The following PPP4R1 variants were observed in gnomAD, a reference collection of about 807,000 sequenced individuals.
The protein encoded by PPP4R1 is serine/threonine-protein phosphatase 4 regulatory subunit 1.
A neutral mutation model predicts 111.2 loss-of-function variants in PPP4R1; 42 were observed. That is an observed-to-expected ratio of 0.38 (90% CI 0.29 to 0.49). The LOEUF is 0.49. PPP4R1 is among the 20% of genes least tolerant of loss of function. The pLI is 0.97. For missense variants in PPP4R1, 1,012 were observed against 1,161.6 expected (o/e 0.87, Z 1.87); for synonymous variants, 409 against 405.5 (o/e 1.01, Z -0.10).
chr18:9,575,780 A>G (rs1375084772), intron 10 of PPP4R1, among the ~76,000 whole-genome samples: 1 of 152,118 alleles, frequency 6.6e-6, no homozygotes, highest in Non-Finnish European at 1.5e-5. Flanking sequence ...GCAAAGGCCG[A>G]GTGAGTAGTT....
At chr18:9,583,489 C>G (rs1179972339) in intron 8 of PPP4R1, among the ~76,000 whole-genome samples, 1 of 152,168 alleles carries the variant, frequency 6.6e-6, no homozygotes, top group Non-Finnish European at 1.5e-5. Flanking sequence ...GCCTCAGCCT[C>G]CCAAGTAGCT....
At chr18:9,613,740 G>C (rs1226309043) in intron 2 of PPP4R1, 1 of 152,394 alleles carries the variant, frequency 6.6e-6, no homozygotes, top group Admixed American at 6.5e-5. Flanking sequence ...TCCAAAACCG[G>C]GTCGGGGAGC....
chr18:9,595,026 T>C lies in PPP4R1; in HGVS notation c.180A>G (p.Ile60Met), dbSNP rs1181921037. ...RLDKYAASEN[I>M]FNRQMVARSL... Reference sequence around the variant, plus strand: ...AAAGAATATGCACATACCTGTTAAATATGTTCTCACTTGCAGCATACTTGT... The same window carrying C: ...AAAGAATATGCACATACCTGTTAAACATGTTCTCACTTGCAGCATACTTGT... Residue 60 changes from isoleucine (I) to methionine (M), a missense_variant, in exon 3 of 20, where the codon ATA becomes ATG. Ile to Met is a conservative substitution (Grantham distance 10). Coordinates refer to ENST00000400556, the MANE Select transcript of PPP4R1 (RefSeq NM_001042388.3). 2 of 1,613,856 alleles carry C rather than the reference T, an allele frequency of 1.2e-6. No individual in the cohort carries two copies. Among genetic ancestry groups the C allele is most frequent in the Non-Finnish European group, 1.7e-6 (2 of 1,179,898 alleles).
In PPP4R1 at chr18:9,570,337, C is replaced by T; in HGVS notation, c.1393G>A (p.Glu465Lys). The change falls in exon 11 of 20, where the codon GAA (glutamate) becomes AAA (lysine). Residue 465 changes from glutamate to lysine, a missense_variant. This residue lies in a region of PPP4R1 where 707 missense variants were observed against 742.1 expected (regional missense o/e 0.95). Coordinates refer to ENST00000400556, the MANE Select transcript of PPP4R1 (RefSeq NM_001042388.3). Reference protein sequence around the residue: ...SFHFWRTPLPEIDLDIELEQN... With the variant: ...SFHFWRTPLPKIDLDIELEQN... ...TCAAGCTCTATGTCTAGATCTATTT[C>T]AGGAAGAGGAGTCCTCCAGAAATGG... 6.2e-7 allele frequency: 1 copy of T among 1,611,276 alleles called. No individual in the cohort carries two copies. The highest frequency in any genetic ancestry group is 8.5e-7 in the Non-Finnish European group (1 of 1,178,834).
At position 9,614,181 on chromosome 18, in the gene PPP4R1, C is replaced by T; in HGVS notation, c.52+45G>A. The T allele has an allele frequency of 3.0e-6, 4 of 1,317,616 alleles. No homozygotes were observed. Among genetic ancestry groups the T allele is most frequent in the Non-Finnish European group, 3.9e-6 (4 of 1,020,524 alleles). 81.6% of individuals were successfully genotyped at this position (1,317,616 alleles called of 1,614,324 possible). A position where few individuals can be genotyped will look rare whatever the true frequency, so the allele number is the denominator to read the frequency against. ...CTCGCCGCCGCCCGCCCTCCCCGGC[C>T]GCTCCCCGCGGACTGCCAGGCCACC... is the stretch of plus-strand genomic sequence containing the variant. On this transcript the variant is annotated intron_variant, in intron 2 of 19. Transcript: ENST00000400556. The surrounding 1 kb of genome is among the most constrained non-coding windows in gnomAD (Gnocchi z 4.1).
chr18:9,560,704 A>C (rs1026350964), intron 13 of PPP4R1, among the ~76,000 whole-genome samples: 21 of 152,288 alleles, frequency 1.4e-4, no homozygotes, highest in African/African-American at 5.1e-4. Context: ...TAAATAAAGT[A>C]AAAATTGGCT....
chr18:9,602,976 C>A (rs1293928449), intron 2 of PPP4R1, among the ~76,000 whole-genome samples: 2 of 152,158 alleles, frequency 1.3e-5, no homozygotes, highest in Non-Finnish European at 2.9e-5. Flanking sequence ...ACTTTTAAGA[C>A]ACAGTGATAA....
chr18:9,582,856 G>C (rs1002856013), intron 9 of PPP4R1, among the ~76,000 whole-genome samples: 3 of 151,966 alleles, frequency 2.0e-5, no homozygotes, highest in African/African-American at 7.3e-5. Context: ...AGATGCAAGT[G>C]GTTTAACATC....
chr18:9,591,779 T>TTAAC (rs2067215671), intron 4 of PPP4R1, among the ~76,000 whole-genome samples: 1 of 151,914 alleles, frequency 6.6e-6, no homozygotes, highest in South Asian at 2.1e-4. Flanking sequence ...CTTATAACAA[T>TTAAC]TAACTGGCTG....
At chr18:9,598,076 T>C (rs919342933) in intron 2 of PPP4R1, among the ~76,000 whole-genome samples, 1 of 151,966 alleles carries the variant, frequency 6.6e-6, no homozygotes, top group African/African-American at 2.4e-5. Flanking sequence ...GATTAAACAT[T>C]ATAGAGGAAA....
In PPP4R1 at chr18:9,584,847, A is replaced by AAC; in HGVS notation, c.586-21_586-20dup. On this transcript the variant is annotated intron_variant, in intron 6 of 19. Coordinates refer to ENST00000400556, the MANE Select transcript of PPP4R1 (RefSeq NM_001042388.3). The stretch of plus-strand genomic sequence containing the variant: ...ACATTATCTAAAATAAGTAAGAACA[A>AAC]ACACACACTGAAAATATCAAGTAAG... 1 of 1,545,624 alleles carries AAC rather than the reference A, an allele frequency of 6.5e-7. No individual in the cohort carries two copies. The highest frequency in any genetic ancestry group is 1.2e-5 in the South Asian group (1 of 85,654).
Position 9,557,241 on chromosome 18 carries a change from G to A in PPP4R1, c.2170C>T (p.His724Tyr). 1.9e-6 allele frequency: 3 copies of A among 1,587,684 alleles called. No homozygotes were observed. The highest frequency in any genetic ancestry group is 2.6e-6 in the Non-Finnish European group (3 of 1,172,740). ...GTTACCTTCAGAAAATCATGCAAGTGTTTAAGAACACCTATCCTGACTTCA... is the reference window on the plus strand; with the variant it reads ...GTTACCTTCAGAAAATCATGCAAGTATTTAAGAACACCTATCCTGACTTCA... ...LDEVRIGVLK[H>Y]LHDFLKLLHI... is the part of the protein sequence containing the mutation. The change falls in exon 15 of 20, where the codon CAC (histidine) becomes TAC (tyrosine). Residue 724 changes from histidine to tyrosine, a missense_variant. Physicochemically the swap from His to Tyr is moderately conservative, Grantham distance 83 (BLOSUM62 2). This residue lies in a region of PPP4R1 where 305 missense variants were observed against 419.5 expected (regional missense o/e 0.73). Transcript: ENST00000400556.
At chr18:9,586,257 C>T (rs1002754083) in intron 6 of PPP4R1, among the ~76,000 whole-genome samples, 1 of 151,698 alleles carries the variant, frequency 6.6e-6, no homozygotes, top group African/African-American at 2.4e-5. Flanking sequence ...TCATAAGACT[C>T]CTACTAGCAC....
intron 6 of PPP4R1, among the ~76,000 whole-genome samples, chr18:9,586,218 A>G (rs1010430039): frequency 6.6e-6 from 1 of 151,940 alleles, no homozygotes; most frequent in Non-Finnish European, 1.5e-5. Context: ...ATAAAACATG[A>G]CCAAAAAACA....
At chr18:9,612,247 T>A (rs995738264) in intron 2 of PPP4R1, among the ~76,000 whole-genome samples, 3 of 152,212 alleles carry the variant, frequency 2.0e-5, no homozygotes, top group Non-Finnish European at 4.4e-5. Context: ...GTAATATTTC[T>A]TATGCCTACT....
At chr18:9,568,083 T>C (rs2066798945) in intron 11 of PPP4R1, among the ~76,000 whole-genome samples, 1 of 152,182 alleles carries the variant, frequency 6.6e-6, no homozygotes, top group Non-Finnish European at 1.5e-5. Context: ...GGCTGGAGTG[T>C]AGTAGTGCAA....
chr18:9,596,701 G>A (rs534224725), intron 2 of PPP4R1, among the ~76,000 whole-genome samples: 1 of 152,240 alleles, frequency 6.6e-6, no homozygotes, highest in South Asian at 2.1e-4. Context: ...ATTTCCTGAT[G>A]AACTGTTATT....
intron 2 of PPP4R1, among the ~76,000 whole-genome samples, chr18:9,607,754 GA>G (rs1444260722): frequency 1.3e-5 from 2 of 151,288 alleles, no homozygotes; most frequent in African/African-American, 2.4e-5. Context: ...AACCACTTTG[GA>G]AAACAGTTTG....
At chr18:9,607,342 C>A (rs188987135) in intron 2 of PPP4R1, among the ~76,000 whole-genome samples, 1 of 144,046 alleles carries the variant, frequency 6.9e-6, no homozygotes, top group African/African-American at 2.6e-5. Context: ...GCCTGGGCAA[C>A]AGAGCCAGAC....
Sources: allele counts gnomAD v4.1 joint callset (sites outside exome capture counted in the v4.1 genomes callset), GRCh38; gene constraint gnomAD v4.1.1; regional missense constraint gnomAD v4.1.1; non-coding constraint Gnocchi (gnomAD v3.1); transcripts MANE v1.5; gene names NCBI Gene and HGNC (gene_info 2026-07-23, HGNC 2026-07-21).